The following PIGU variants were observed in gnomAD, a reference collection of about 807,000 sequenced individuals.
The protein encoded by PIGU is GPI-anchor transamidase component PIGU.
Under a neutral mutation model 49.9 loss-of-function variants are expected in PIGU, and 24 were observed. That is an observed-to-expected ratio of 0.48 (90% CI 0.35 to 0.68). The LOEUF is 0.68. Among genes scored for constraint, PIGU ranks in the 30% least tolerant of loss-of-function variants. The probability of loss-of-function intolerance (pLI) is 0.01; values close to 1 mark genes in which losing one functional copy is unlikely to be tolerated. For missense variants in PIGU, 490 were observed against 532.6 expected (o/e 0.92, Z 0.79); for synonymous variants, 220 against 205.7 (o/e 1.07, Z -0.59).
chr20:34,595,095 C>CAAAAAAAAAAAAAAAAAAAAAAAAA (rs71194627), intron 7 of PIGU, among the ~76,000 whole-genome samples: 1 of 71,334 alleles, frequency 1.4e-5, no homozygotes, highest in Admixed American at 2.1e-4. Flanking sequence ...GACTCCGTCT[C>CAAAAAAAAAAAAAAAAAAAAAAAAA]AAAAAAAAAA....
Position 34,634,607 on chromosome 20 carries a change from G to C in PIGU, c.529+8C>G, listed in dbSNP as rs756896268. The C allele has an allele frequency of 6.2e-7, 1 of 1,611,788 alleles. No homozygotes were observed. Among genetic ancestry groups the C allele is most frequent in the East Asian group, 2.2e-5 (1 of 44,740 alleles). On this transcript the variant is annotated splice_region_variant and intron_variant, in intron 6 of 11. Transcript: ENST00000217446. ...ACTGACCTTTGTACTCTCCTTTCAG[G>C]GCCTTACCTTTTATCGTAGTCAAAA...
chr20:34,660,049 A>G (rs6142215), intron 1 of PIGU, among the ~76,000 whole-genome samples: 3 of 68,236 alleles, frequency 4.4e-5, no homozygotes, highest in African/African-American at 6.6e-5. Flanking sequence ...AATGATCAAT[A>G]AAAAAAAAAA....
chr20:34,571,115 G>C (rs1982995544), intron 11 of PIGU, among the ~76,000 whole-genome samples: 1 of 152,192 alleles, frequency 6.6e-6, no homozygotes, highest in Admixed American at 6.5e-5. Flanking sequence ...TAAATCACTT[G>C]AGGAAGTGGG....
At chr20:34,652,406 T>C (rs1211612534) in intron 2 of PIGU, among the ~76,000 whole-genome samples, 2 of 152,346 alleles carry the variant, frequency 1.3e-5, no homozygotes, top group Middle Eastern at 3.4e-3. Context: ...TTAATGCTCA[T>C]CCCAAGGAAC....
At chr20:34,575,759 C>T (rs1400211475) in intron 10 of PIGU, among the ~76,000 whole-genome samples, 1 of 152,130 alleles carries the variant, frequency 6.6e-6, no homozygotes, top group African/African-American at 2.4e-5. Context: ...TCTTAGGACC[C>T]CTGCCTCGCT....
Position 34,560,984 on chromosome 20 carries a change from G to A in PIGU, c.1195-5C>T. On this transcript the variant is annotated splice_region_variant and splice_polypyrimidine_tract_variant and intron_variant, in intron 11 of 11. Coordinates refer to ENST00000217446, the MANE Select transcript of PIGU (RefSeq NM_080476.5). ...GTAATCAGAGATGAGCAGGATCTGG[G>A]GGGAGAGAGAGGGTGTGAGGCGCTG... The A allele has an allele frequency of 6.3e-7, 1 of 1,591,332 alleles. No individual in the cohort carries two copies. The highest frequency in any genetic ancestry group is 8.6e-7 in the Non-Finnish European group (1 of 1,160,510).
intron 2 of PIGU, 100 bp downstream of exon 2, chr20:34,657,080 A>G (rs921835084): frequency 1.1e-5 from 10 of 943,934 alleles, no homozygotes; most frequent in Non-Finnish European, 1.6e-5. Flanking sequence ...ATCGTCAAGA[A>G]TACATCTTTT....
At chr20:34,661,129 G>C (rs914105463) in intron 1 of PIGU, among the ~76,000 whole-genome samples, 9 of 152,146 alleles carry the variant, frequency 5.9e-5, no homozygotes, top group African/African-American at 2.2e-4. Context: ...TCAAAAGACA[G>C]CATATAAAAT....
At chr20:34,648,588 G>A (rs748415789) in intron 2 of PIGU, among the ~76,000 whole-genome samples, 16 of 151,666 alleles carry the variant, frequency 1.1e-4, no homozygotes, top group Admixed American at 5.3e-4. Flanking sequence ...TCACTCTGTC[G>A]GCCAGGCAGG....
rs530693541 is a variant in PIGU at position 34,600,995 on chromosome 20, T to C, written c.628-12388A>G. On this transcript the variant is annotated intron_variant, in intron 7 of 11. Transcript: ENST00000217446. Reference sequence around the variant, plus strand: ...GTTGCAGTGAGCCGAGATGGTGCCATTGCACTCCAGCCTGGGCAAAAAGAA... The same window carrying C: ...GTTGCAGTGAGCCGAGATGGTGCCACTGCACTCCAGCCTGGGCAAAAAGAA... 9.2e-5 allele frequency among the ~76,000 whole-genome samples: 14 copies of C among 151,674 alleles called. No individual in the cohort carries two copies. The East Asian group carries it at 2.7e-3, about 29-fold the overall frequency.
intron 7 of PIGU, among the ~76,000 whole-genome samples, chr20:34,612,992 CA>C (rs1426266999): frequency 6.6e-6 from 1 of 152,096 alleles, no homozygotes; most frequent in East Asian, 1.9e-4. Flanking sequence ...AAAAAATATA[CA>C]AATATAGTAG....
chr20:34,604,296 A>G (rs1984536332), intron 7 of PIGU, among the ~76,000 whole-genome samples: 1 of 152,216 alleles, frequency 6.6e-6, no homozygotes, highest in South Asian at 2.1e-4. Context: ...AAGTCTCTAC[A>G]GCACTAGGGA....
At chr20:34,563,564 T>A (rs2146687661) in intron 11 of PIGU, among the ~76,000 whole-genome samples, 1 of 128,170 alleles carries the variant, frequency 7.8e-6, no homozygotes, top group East Asian at 2.4e-4. Context: ...AAAGTAATAA[T>A]AAAAAATAAA....
intron 2 of PIGU, among the ~76,000 whole-genome samples, chr20:34,656,970 G>A (rs988694064): frequency 5.9e-5 from 9 of 152,272 alleles, no homozygotes; most frequent in African/African-American, 1.2e-4. Flanking sequence ...AGCCTCATCT[G>A]CTTCCCCAGT....
chr20:34,610,013 G>GT (rs1462558463), intron 7 of PIGU, among the ~76,000 whole-genome samples: 2 of 152,084 alleles, frequency 1.3e-5, no homozygotes, highest in Non-Finnish European at 2.9e-5. Context: ...GGCTATATTT[G>GT]TAAGTTTCCT....
chr20:34,647,855 A>G (rs964334957), intron 2 of PIGU, among the ~76,000 whole-genome samples: 5 of 152,156 alleles, frequency 3.3e-5, no homozygotes, highest in Admixed American at 6.5e-5. Context: ...CATTCTATAT[A>G]TGACATGTAG....
chr20:34,589,586 C>T (rs940528575), intron 7 of PIGU, among the ~76,000 whole-genome samples: 6 of 149,350 alleles, frequency 4.0e-5, no homozygotes, highest in African/African-American at 4.9e-5. Context: ...CTCTTGACCT[C>T]GTGAATCACC....
In PIGU at chr20:34,631,785, ATTTTTTTTTTTTTTT is replaced by A. The variant is rs1166878990; in HGVS notation, c.529+2815_529+2829del. Among the ~76,000 whole-genome samples the A allele has an allele frequency of 6.2e-3, 40 of 6,432 alleles. 2 individuals carry two copies. Among genetic ancestry groups the A allele is most frequent in the African/African-American group, 0.038 (30 of 794 alleles). 4.2% of individuals were successfully genotyped at this position (6,432 alleles called of 152,430 possible). A position where few individuals can be genotyped will look rare whatever the true frequency, so the allele number is the denominator to read the frequency against. On this transcript the variant is annotated intron_variant, in intron 6 of 11. Coordinates refer to ENST00000217446, the MANE Select transcript of PIGU (RefSeq NM_080476.5). ...TATATATATATATATATATATATAT[ATTTTTTTTTTTTTTT>A]TTTTTTTTTTTTTTTTAGTAGAGAC...
At chr20:34,565,363 C>T (rs889310221) in intron 11 of PIGU, among the ~76,000 whole-genome samples, 21 of 152,082 alleles carry the variant, frequency 1.4e-4, no homozygotes, top group African/African-American at 4.1e-4. Flanking sequence ...GTGATTCTCC[C>T]GCCTCAGCCT....
Sources: allele counts gnomAD v4.1 joint callset (sites outside exome capture counted in the v4.1 genomes callset), GRCh38; gene constraint gnomAD v4.1.1; transcripts MANE v1.5; gene names NCBI Gene and HGNC (gene_info 2026-07-23, HGNC 2026-07-21).